Variants in SIPA1L1 observed in about 807,000 individuals in gnomAD.
The protein encoded by SIPA1L1 is signal-induced proliferation-associated 1-like protein 1.
In SIPA1L1, 26 loss-of-function variants were observed where a neutral mutation model predicts 162.7. That is an observed-to-expected ratio of 0.16 (90% CI 0.12 to 0.22). SIPA1L1 has a LOEUF of 0.22. SIPA1L1 is among the 10% of genes least tolerant of loss of function. The probability of loss-of-function intolerance (pLI) is 1.00; values close to 1 mark genes in which losing one functional copy is unlikely to be tolerated. For missense variants in SIPA1L1, 1,874 were observed against 2,241.0 expected (o/e 0.84, Z 3.31); for synonymous variants, 829 against 837.4 (o/e 0.99, Z 0.17).
rs1046825362 is a variant in SIPA1L1, at chr14:71,604,304, A to T, written c.1499-14453A>T. Among the ~76,000 whole-genome samples the T allele has an allele frequency of 3.3e-5, 5 of 151,740 alleles. No homozygotes were observed. In the South Asian group the frequency reaches 8.3e-4, roughly 25 times the overall value. Reference sequence around the variant, plus strand: ...GAGCAACTGCACCTGGCCTTAGCTAATTTTTTTAAAAATTTGTTTCTAGGG... The same window carrying T: ...GAGCAACTGCACCTGGCCTTAGCTATTTTTTTTAAAAATTTGTTTCTAGGG... On this transcript the variant is annotated intron_variant, in intron 5 of 23. Coordinates refer to ENST00000381232, the MANE Select transcript of SIPA1L1 (RefSeq NM_001386936.1).
chr14:71,371,866 C>T (rs1316753064), intron 2 of SIPA1L1, among the ~76,000 whole-genome samples: 1 of 152,092 alleles, frequency 6.6e-6, no homozygotes, highest in African/African-American at 2.4e-5. Flanking sequence ...TGTCACATTT[C>T]ACTTGAGTGG....
At chr14:71,730,817 A>C (rs2084694007) in intron 20 of SIPA1L1, among the ~76,000 whole-genome samples, 1 of 152,170 alleles carries the variant, frequency 6.6e-6, no homozygotes, top group Non-Finnish European at 1.5e-5. Context: ...TTTGTGGATG[A>C]TGGGTACCTC....
intron 2 of SIPA1L1, among the ~76,000 whole-genome samples, chr14:71,505,653 A>G (rs1366816537): frequency 9.2e-5 from 14 of 152,042 alleles, no homozygotes. Flanking sequence ...TAATCTTGGT[A>G]GGTATATTAC....
At chr14:71,334,971 A>G (rs1462411376) in intron 2 of SIPA1L1, among the ~76,000 whole-genome samples, 3 of 152,230 alleles carry the variant, frequency 2.0e-5, no homozygotes, top group Non-Finnish European at 4.4e-5. Flanking sequence ...TAGTACTTTT[A>G]TAATCTATAC....
chr14:71,695,388 T>C (rs1457440722), intron 13 of SIPA1L1, among the ~76,000 whole-genome samples: 1 of 152,240 alleles, frequency 6.6e-6, no homozygotes, highest in African/African-American at 2.4e-5. Flanking sequence ...ATTTTTTCGC[T>C]TTGGGATAAC....
At chr14:71,720,614 G>A (rs2083637231) in intron 17 of SIPA1L1, among the ~76,000 whole-genome samples, 1 of 151,820 alleles carries the variant, frequency 6.6e-6, no homozygotes, top group Non-Finnish European at 1.5e-5. Flanking sequence ...AGCTCTTGTA[G>A]GCATGTTTCA....
At chr14:71,463,437 G>C (rs1032106947) in intron 2 of SIPA1L1, among the ~76,000 whole-genome samples, 1 of 152,116 alleles carries the variant, frequency 6.6e-6, no homozygotes, top group African/African-American at 2.4e-5. Context: ...ACTTTAACTG[G>C]AGGACTACAG....
intron 4 of SIPA1L1, among the ~76,000 whole-genome samples, chr14:71,530,035 T>C (rs191288584): frequency 6.6e-6 from 1 of 152,346 alleles, no homozygotes; most frequent in East Asian, 1.9e-4. Flanking sequence ...GCCCTGAAGC[T>C]TGCCCTTTCT....
Position 71,661,296 on chromosome 14 carries a change from ATTTTTTC to A in SIPA1L1, c.2098-11_2098-5del. 6.2e-7 allele frequency: 1 copy of A among 1,610,030 alleles called. No individual in the cohort carries two copies. On this transcript the variant is annotated splice_polypyrimidine_tract_variant and splice_region_variant and intron_variant, in intron 9 of 23. Coordinates refer to ENST00000381232, the MANE Select transcript of SIPA1L1 (RefSeq NM_001386936.1). Reference sequence around the variant, plus strand: ...TGATTGTTATTTATGTTGGTTGCTTATTTTTTCTTGTAGCTCCTGAGGAAGCGGCACA... The same window carrying A: ...TGATTGTTATTTATGTTGGTTGCTTATTGTAGCTCCTGAGGAAGCGGCACA...
intron 5 of SIPA1L1, among the ~76,000 whole-genome samples, chr14:71,589,914 A>G (rs1470000496): frequency 6.6e-6 from 1 of 151,396 alleles, no homozygotes; most frequent in East Asian, 1.9e-4. Context: ...AATAAGTCTC[A>G]GTGCCAAGAA....
intron 2 of SIPA1L1, among the ~76,000 whole-genome samples, chr14:71,468,838 TTGTATC>T (rs2047228189): frequency 6.6e-6 from 1 of 152,222 alleles, no homozygotes. Context: ...AGTCTCAGCT[TTGTATC>T]TGGGAGAAAC....
chr14:71,333,383 TC>T (rs2034765763), intron 2 of SIPA1L1, among the ~76,000 whole-genome samples: 2 of 152,232 alleles, frequency 1.3e-5, no homozygotes, highest in Non-Finnish European at 2.9e-5. Context: ...AAAGTAATAT[TC>T]AGAGTTCCTA....
chr14:71,703,483 A>G (rs2082232080), intron 15 of SIPA1L1, among the ~76,000 whole-genome samples: 1 of 152,188 alleles, frequency 6.6e-6, no homozygotes, highest in Non-Finnish European at 1.5e-5. Flanking sequence ...TAGGTTCTGA[A>G]GATATGCTTT....
intron 5 of SIPA1L1, among the ~76,000 whole-genome samples, chr14:71,603,644 C>T (rs972443556): frequency 1.8e-4 from 27 of 152,016 alleles, no homozygotes; most frequent in East Asian, 1.2e-3. Flanking sequence ...GAAATATAGC[C>T]GGGCATAGTG....
intron 2 of SIPA1L1, among the ~76,000 whole-genome samples, chr14:71,465,571 CAG>C (rs1456820100): frequency 6.6e-6 from 1 of 152,170 alleles, no homozygotes; most frequent in African/African-American, 2.4e-5. Flanking sequence ...CAAGGACTCT[CAG>C]TGTTATCTGT....
At chr14:71,395,929 C>G (rs543412632) in intron 2 of SIPA1L1, among the ~76,000 whole-genome samples, 3 of 152,088 alleles carry the variant, frequency 2.0e-5, no homozygotes, top group African/African-American at 7.2e-5. Context: ...AGTAACTTGC[C>G]CAGGGACAAA....
At chr14:71,698,935 T>C (rs1448078143) in intron 13 of SIPA1L1, 46 bp from the exon 14 acceptor site, 1 of 1,610,210 alleles carries the variant, frequency 6.2e-7, no homozygotes, top group South Asian at 1.1e-5. Context: ...GCCTTGGGAT[T>C]TTCCCTTTGA....
At chr14:71,332,457 A>G (rs1395017963) in intron 2 of SIPA1L1, among the ~76,000 whole-genome samples, 1 of 152,156 alleles carries the variant, frequency 6.6e-6, no homozygotes, top group Admixed American at 6.5e-5. Flanking sequence ...ATTTATATAT[A>G]TAGAGAGAAA....
At chr14:71,558,080 C>T (rs943318007) in intron 4 of SIPA1L1, among the ~76,000 whole-genome samples, 1 of 152,068 alleles carries the variant, frequency 6.6e-6, no homozygotes, top group African/African-American at 2.4e-5. Context: ...AATTTAAAGC[C>T]TAAGTATGTA....
Sources: gnomAD v4.1 joint callset for allele counts (sites outside exome capture counted in the v4.1 genomes callset) on GRCh38, gnomAD v4.1.1 for gene constraint, MANE v1.5 for transcripts, NCBI Gene and HGNC (gene_info 2026-07-23, HGNC 2026-07-21) for gene names.